PRDM4: variants seen among roughly 807,000 people sequenced by gnomAD.
The protein encoded by PRDM4 is PR domain zinc finger protein 4.
Under a neutral mutation model 62.3 loss-of-function variants are expected in PRDM4, and 38 were observed. The ratio of observed to expected loss-of-function variants is 0.61; its 90% CI spans 0.47 to 0.80. PRDM4 has a LOEUF of 0.80. PRDM4 is among the 30% of genes least tolerant of loss of function. PRDM4 has a pLI of 0.00. For missense variants in PRDM4, 858 were observed against 997.1 expected, an observed-to-expected ratio of 0.86 and a Z score of 1.88; for synonymous variants, 339 against 348.2, an observed-to-expected ratio of 0.97 and a Z score of 0.30.
chr12:107,748,109 G>A (rs1890773016), intron 5 of PRDM4, among the ~76,000 whole-genome samples: 1 of 152,138 alleles, frequency 6.6e-6, no homozygotes, highest in Non-Finnish European at 1.5e-5. Context: ...AACCCGGGAG[G>A]TGGAGGTTGC....
intron 9 of PRDM4, among the ~76,000 whole-genome samples, 164 bp from the exon 10 acceptor site, chr12:107,741,424 T>C (rs1263726298): frequency 6.6e-6 from 1 of 152,142 alleles, no homozygotes; most frequent in Non-Finnish European, 1.5e-5. Context: ...AATAATGTAC[T>C]ATGGGCCAGG....
intron 3 of PRDM4, among the ~76,000 whole-genome samples, chr12:107,755,274 T>TC (rs2136332616): frequency 6.6e-6 from 1 of 152,026 alleles, no homozygotes; most frequent in African/African-American, 2.4e-5. Flanking sequence ...TTTTTTTTTT[T>TC]CTTTGTAGAG....
At chr12:107,738,729 A>T (rs1223899666) in intron 11 of PRDM4, among the ~76,000 whole-genome samples, 1 of 152,224 alleles carries the variant, frequency 6.6e-6, no homozygotes, top group East Asian at 1.9e-4. Context: ...TAATCTTTGT[A>T]TTAACAGAAT....
intron 10 of PRDM4, 157 bp from the exon 11 acceptor site, chr12:107,739,708 T>A: frequency 1.7e-6 from 1 of 595,262 alleles, no homozygotes; most frequent in South Asian, 3.0e-5. Flanking sequence ...GTGAGACCAC[T>A]CAAGAGCTCC....
intron 9 of PRDM4, 92 bp downstream of exon 9, chr12:107,742,129 T>C (rs1355424455): frequency 9.6e-6 from 13 of 1,356,606 alleles, no homozygotes; most frequent in Non-Finnish European, 1.3e-5. Flanking sequence ...TATGATTTGC[T>C]TCAGCTAACA....
At chr12:107,735,373 T>C (rs940297860) in intron 11 of PRDM4, among the ~76,000 whole-genome samples, 3 of 152,190 alleles carry the variant, frequency 2.0e-5, no homozygotes, top group African/African-American at 7.2e-5. Context: ...AGACTCAAAT[T>C]TGAAAATGTC....
In PRDM4 at chr12:107,733,506, T is replaced by C. The variant is rs1890233660; in HGVS notation, c.*704A>G. On this transcript the variant is annotated 3_prime_UTR_variant, in exon 12 of 12. Transcript: ENST00000228437. ...TCCACGTTACAATAACCAGGTGACT[T>C]GCTCAGGCTTCCATCAAAGCTAATT... 2 of 152,268 alleles carry C rather than the reference T, an allele frequency of 1.3e-5. No individual in the cohort carries two copies. The highest frequency in any genetic ancestry group is 4.8e-5 in the African/African-American group (2 of 41,460). 9.4% of individuals were successfully genotyped at this position (152,268 alleles called of 1,614,324 possible). A position where few individuals can be genotyped will look rare whatever the true frequency, so the allele number is the denominator to read the frequency against.
At chr12:107,755,187 G>A (rs908817238) in intron 3 of PRDM4, among the ~76,000 whole-genome samples, 7 of 152,042 alleles carry the variant, frequency 4.6e-5, no homozygotes, top group Non-Finnish European at 1.0e-4. Context: ...TGGCTCAAGT[G>A]GCCATCCCTT....
chr12:107,760,684 G>C lies in PRDM4; in HGVS notation c.-169C>G. 1.4e-6 allele frequency: 1 copy of C among 733,822 alleles called. No individual in the cohort carries two copies. The allele number at this position is 733,822 out of a possible 1,614,324, so 45.5% of individuals were successfully genotyped here. ...GCCGCCCAACTTCTCCCGAGGGCCG[G>C]TGGCCGTGCACCCCGCCACGGGTTG... On this transcript the variant is annotated 5_prime_UTR_variant, in exon 2 of 12. Coordinates refer to ENST00000228437, the MANE Select transcript of PRDM4 (RefSeq NM_012406.4).
intron 5 of PRDM4, 74 bp from the exon 6 acceptor site, chr12:107,746,498 T>G (rs1323358512): frequency 7.2e-7 from 1 of 1,385,792 alleles, no homozygotes; most frequent in Non-Finnish European, 9.7e-7. Context: ...GGTTTTTTTT[T>G]TTTTTGAGAC....
At chr12:107,754,909 T>C (rs1469239024) in intron 3 of PRDM4, 1 of 152,226 alleles carries the variant, frequency 6.6e-6, no homozygotes, top group African/African-American at 2.4e-5. Flanking sequence ...CATGTACACC[T>C]TCATACAATC....
Position 107,741,277 on chromosome 12 carries a change from A to T in PRDM4, c.1610-17T>A. 1 of 1,589,880 alleles carries T rather than the reference A, an allele frequency of 6.3e-7. No individual in the cohort carries two copies. Among genetic ancestry groups the T allele is most frequent in the South Asian group, 1.1e-5 (1 of 89,104 alleles). On this transcript the variant is annotated splice_polypyrimidine_tract_variant and intron_variant, in intron 9 of 11. Coordinates refer to ENST00000228437, the MANE Select transcript of PRDM4 (RefSeq NM_012406.4). The stretch of plus-strand genomic sequence containing the variant: ...CAGGAACACCTTTTAAAAAAAAATT[A>T]CTCATTATCTCCCAATACTTGAATC...
At chr12:107,758,100 T>C (rs968572068) in intron 2 of PRDM4, among the ~76,000 whole-genome samples, 1 of 152,130 alleles carries the variant, frequency 6.6e-6, no homozygotes, top group East Asian at 1.9e-4. Context: ...CAAATCTAAA[T>C]AGGTTTTTAA....
At position 107,754,083 on chromosome 12, in the gene PRDM4, C is replaced by T; in HGVS notation, c.172G>A (p.Gly58Ser). 6.2e-7 allele frequency: 1 copy of T among 1,606,666 alleles called. No individual in the cohort carries two copies. The highest frequency in any genetic ancestry group is 1.3e-5 in the African/African-American group (1 of 74,710). Reference protein sequence around the residue: ...PGLPVAIPNLGPSLSSLPSAL... With the variant: ...PGLPVAIPNLSPSLSSLPSAL... ...GAAGGCAGAGAGCTCAGGGAGGGAC[C>T]CAGGTTTGGAATTGCCACTGGGAGG... Residue 58 changes from glycine to serine, a missense_variant, in exon 4 of 12, where the codon GGT becomes AGT. Around this residue, in one of 3 missense-constraint regions of PRDM4, gnomAD observed 499 missense variants for 546.7 expected, o/e 0.91. Transcript: ENST00000228437.
intron 3 of PRDM4, among the ~76,000 whole-genome samples, chr12:107,755,455 C>A (rs889682091): frequency 1.3e-5 from 2 of 152,134 alleles, no homozygotes; most frequent in African/African-American, 4.8e-5. Context: ...AAAGGGAATG[C>A]CTACAAACAA....
At chr12:107,736,056 A>C (rs1890319982) in intron 11 of PRDM4, among the ~76,000 whole-genome samples, 5 of 152,148 alleles carry the variant, frequency 3.3e-5, no homozygotes. Flanking sequence ...AGGCCACAAC[A>C]AAACCCCTAC....
chr12:107,760,749 C>T lies in PRDM4; in HGVS notation c.-234G>A. On this transcript the variant is annotated 5_prime_UTR_variant, in exon 2 of 12. Coordinates refer to ENST00000228437, the MANE Select transcript of PRDM4 (RefSeq NM_012406.4). Reference sequence around the variant, plus strand: ...ACACCTGGGGCCTTCCGTCCAGAAGCTTCGGGAAGGGGGCTGCCCAACCTG... The same window carrying T: ...ACACCTGGGGCCTTCCGTCCAGAAGTTTCGGGAAGGGGGCTGCCCAACCTG... 2 of 546,170 alleles carry T rather than the reference C, an allele frequency of 3.7e-6. No homozygotes were observed. Among genetic ancestry groups the T allele is most frequent in the Non-Finnish European group, 6.5e-6 (2 of 307,248 alleles). The allele number at this position is 546,170 out of a possible 1,614,324, so 33.8% of individuals were successfully genotyped here.
Position 107,739,435 on chromosome 12 carries a change from T to C in PRDM4, c.2041A>G (p.Lys681Glu). The part of the protein sequence containing the change: ...EKNLKCDYCD[K>E]LFMRRQDLKQ... ...AGGTCCTGCCTCCGCATAAACAACT[T>C]GTCACAGTAATCACACTTAAGATTC... Residue 681 changes from lysine to glutamate, a missense_variant, in exon 11 of 12, where the codon AAG (lysine) becomes GAG (glutamate). This residue lies in a region of PRDM4 where 355 missense variants were observed against 432.6 expected (regional missense o/e 0.82). Coordinates refer to ENST00000228437, the MANE Select transcript of PRDM4 (RefSeq NM_012406.4). 6.2e-7 allele frequency: 1 copy of C among 1,613,900 alleles called. No individual in the cohort carries two copies.
intron 4 of PRDM4, among the ~76,000 whole-genome samples, chr12:107,753,554 T>A (rs1317517907): frequency 6.6e-6 from 1 of 152,118 alleles, no homozygotes; most frequent in South Asian, 2.1e-4. Context: ...AATAAGCATA[T>A]AATACTCCTA....
Sources: allele counts gnomAD v4.1 joint callset (sites outside exome capture counted in the v4.1 genomes callset), GRCh38; gene constraint gnomAD v4.1.1; regional missense constraint gnomAD v4.1.1; transcripts MANE v1.5; gene names NCBI Gene and HGNC (gene_info 2026-07-23, HGNC 2026-07-21).